Variants in BLMH observed in about 807,000 individuals in gnomAD.
BLMH encodes the protein BLM hydrolase.
A neutral mutation model predicts 61.6 loss-of-function variants in BLMH; 32 were observed. The observed-to-expected ratio is 0.52, with a 90% CI of 0.39 to 0.70. The LOEUF (loss-of-function observed/expected upper bound fraction) is 0.70, where lower values mean the gene tolerates loss of function less well. Among genes scored for constraint, BLMH ranks in the 30% least tolerant of loss-of-function variants. The pLI, the probability that BLMH is intolerant of heterozygous loss-of-function variation, is 0.00. For synonymous variants in BLMH, 183 were observed against 193.8 expected (o/e 0.94, Z 0.46); for missense variants, 460 against 555.5 (o/e 0.83, Z 1.73).
chr17:30,280,234 G>C lies in BLMH; in HGVS notation c.645+5154C>G, dbSNP rs372555949. Among the ~76,000 whole-genome samples the C allele has an allele frequency of 1.2e-4, 18 of 152,156 alleles. No homozygotes were observed. The South Asian group carries it at 2.7e-3, about 23-fold the overall frequency. Reference sequence around the variant, plus strand: ...TGACTTCTCATTGCCTATTGAATTGGGGCAAACTCTCATGCTAGTATTCTA... The same window carrying C: ...TGACTTCTCATTGCCTATTGAATTGCGGCAAACTCTCATGCTAGTATTCTA... On this transcript the variant is annotated intron_variant, in intron 6 of 11. Transcript: ENST00000261714.
At chr17:30,284,749 G>A (rs1013319170) in intron 6 of BLMH, among the ~76,000 whole-genome samples, 41 of 152,116 alleles carry the variant, frequency 2.7e-4, no homozygotes, top group African/African-American at 9.2e-4. Flanking sequence ...TTCTGGCATC[G>A]ATCCAACATC....
At chr17:30,280,773 C>T (rs1300977796) in intron 6 of BLMH, among the ~76,000 whole-genome samples, 1 of 152,154 alleles carries the variant, frequency 6.6e-6, no homozygotes, top group Non-Finnish European at 1.5e-5. Flanking sequence ...CCACCATGCA[C>T]AGCCTACCCC....
chr17:30,255,903 A>AAG (rs923932954), intron 11 of BLMH, among the ~76,000 whole-genome samples: 3 of 152,102 alleles, frequency 2.0e-5, no homozygotes, highest in African/African-American at 7.2e-5. Flanking sequence ...TCTCAAAAAA[A>AAG]AGAGAGAGAG....
At chr17:30,258,549 T>G (rs1869586278) in intron 11 of BLMH, among the ~76,000 whole-genome samples, 1 of 152,122 alleles carries the variant, frequency 6.6e-6, no homozygotes, top group African/African-American at 2.4e-5. Context: ...TTTAAACCAT[T>G]AAACCACCAC....
chr17:30,279,389 TG>T (rs1449666861), intron 6 of BLMH, among the ~76,000 whole-genome samples: 1 of 152,206 alleles, frequency 6.6e-6, no homozygotes, highest in Non-Finnish European at 1.5e-5. Flanking sequence ...ACTTGCCTCT[TG>T]GGGCCATTTG....
rs116860677 is a variant in BLMH, at chr17:30,249,407, G to A, written c.1217-239C>T. On this transcript the variant is annotated intron_variant, in intron 11 of 11. Coordinates refer to ENST00000261714, the MANE Select transcript of BLMH (RefSeq NM_000386.4). Reference sequence around the variant, plus strand: ...CTTGAGTAACTAGGTGATGTGCCCAGGTCACATGGTGAGGTTCAGAGCTGG... The same window carrying A: ...CTTGAGTAACTAGGTGATGTGCCCAAGTCACATGGTGAGGTTCAGAGCTGG... The A allele has an allele frequency of 4.3e-3, 2,012 of 472,010 alleles. 5 individuals are homozygous for A. The highest frequency in any genetic ancestry group is 5.4e-3 in the Non-Finnish European group (1,418 of 261,132). The allele number at this position is 472,010 out of a possible 1,614,324, so 29.2% of individuals were successfully genotyped here.
chr17:30,281,628 TCA>T (rs1383656837), intron 6 of BLMH, among the ~76,000 whole-genome samples: 4 of 152,120 alleles, frequency 2.6e-5, no homozygotes, highest in Non-Finnish European at 4.4e-5. Flanking sequence ...ATCCAATTCA[TCA>T]GCAAGTCCTG....
Position 30,266,931 on chromosome 17 carries a change from T to C in BLMH, c.1170A>G (p.Thr390=). ...CCCATGAATTCTCCACTCTCCATTT[T>C]GTGAAAGCACCATCCTGATCATCCT... ...SEKDDQDGAF[T]KWRVENSWGE... Residue 390 remains threonine (T), a synonymous_variant, in exon 11 of 12, where the codon ACA becomes ACG. Coordinates refer to ENST00000261714, the MANE Select transcript of BLMH (RefSeq NM_000386.4). The C allele has an allele frequency of 1.2e-6, 2 of 1,614,138 alleles. No homozygotes were observed. The highest frequency in any genetic ancestry group is 1.7e-6 in the Non-Finnish European group (2 of 1,179,978).
rs752599913 is a variant in BLMH at position 30,291,275 on chromosome 17, G to A, written c.211+36C>T. 1.9e-6 allele frequency: 3 copies of A among 1,588,632 alleles called. No individual in the cohort carries two copies. The South Asian group carries it at 3.3e-5, about 18-fold the overall frequency. ...CACCAAAATGGGACGCTGTCAGGAA[G>A]GTCAAGGAACGTATGGGAGAAGTGG... On this transcript the variant is annotated intron_variant, in intron 2 of 11. Transcript: ENST00000261714.
At chr17:30,252,480 T>C (rs1340823978) in intron 11 of BLMH, among the ~76,000 whole-genome samples, 1 of 142,196 alleles carries the variant, frequency 7.0e-6, no homozygotes, top group East Asian at 2.0e-4. Flanking sequence ...GTGGATTGCT[T>C]GAGCCCAGTT....
rs978305089 is a variant in BLMH at position 30,287,797 on chromosome 17, A to G, written c.463+9T>C. On this transcript the variant is annotated intron_variant, in intron 4 of 11. Transcript: ENST00000261714. Reference sequence around the variant, plus strand: ...TGAGTTTCAGTTCCATTAAAGAAAGAACTTTTACCAACAATATTAACAAGC... The same window carrying G: ...TGAGTTTCAGTTCCATTAAAGAAAGGACTTTTACCAACAATATTAACAAGC... 6.2e-7 allele frequency: 1 copy of G among 1,613,284 alleles called. No individual in the cohort carries two copies. Among genetic ancestry groups the G allele is most frequent in the Non-Finnish European group, 8.5e-7 (1 of 1,179,686 alleles).
chr17:30,252,255 T>A (rs1184976086), intron 11 of BLMH: 1 of 152,168 alleles, frequency 6.6e-6, no homozygotes, highest in Non-Finnish European at 1.5e-5. Flanking sequence ...AAGTCTAATT[T>A]TGTATGCTAA....
At chr17:30,268,946 A>T (rs1908188468) in intron 10 of BLMH, among the ~76,000 whole-genome samples, 1 of 150,012 alleles carries the variant, frequency 6.7e-6, no homozygotes. Context: ...AGGCTGAGGC[A>T]GGAGAATAGC....
At chr17:30,277,403 G>GT (rs1222423972) in intron 6 of BLMH, among the ~76,000 whole-genome samples, 1 of 152,180 alleles carries the variant, frequency 6.6e-6, no homozygotes, top group African/African-American at 2.4e-5. Context: ...ATTGCCACTG[G>GT]TAACTATGGT....
intron 11 of BLMH, among the ~76,000 whole-genome samples, chr17:30,260,022 T>C (rs903256633): frequency 2.0e-5 from 3 of 152,218 alleles, no homozygotes; most frequent in African/African-American, 4.8e-5. Flanking sequence ...CGTCAGTCTA[T>C]AGATAACATT....
rs34594289 is a variant in BLMH at position 30,252,533 on chromosome 17, C to CAAAA, written c.1217-3369_1217-3366dup. Among the ~76,000 whole-genome samples the CAAAA allele has an allele frequency of 7.0e-3, 467 of 66,372 alleles. 18 individuals are homozygous for CAAAA. Among genetic ancestry groups the CAAAA allele is most frequent in the African/African-American group, 0.022 (437 of 19,652 alleles). The allele number at this position is 66,372 out of a possible 152,430, so 43.5% of individuals were successfully genotyped here. On this transcript the variant is annotated intron_variant, in intron 11 of 11. Coordinates refer to ENST00000261714, the MANE Select transcript of BLMH (RefSeq NM_000386.4). ...GCAACATGGCGAAACCCCATCCTCA[C>CAAAA]AAAAAAAAAAAAAAAAAAAAAAAAA...
intron 11 of BLMH, among the ~76,000 whole-genome samples, chr17:30,262,650 C>A (rs1445661389): frequency 6.6e-6 from 1 of 152,068 alleles, no homozygotes. Context: ...AAAAAATTAG[C>A]CAGGCGTGGT....
chr17:30,286,770 G>T (rs759355123), intron 5 of BLMH, 44 bp downstream of exon 5: 1 of 1,413,516 alleles, frequency 7.1e-7, no homozygotes, highest in Non-Finnish European at 1.0e-6. Context: ...AAGTTTGAAG[G>T]AAAGTACACT....
chr17:30,259,885 T>G (rs3794806), intron 11 of BLMH, among the ~76,000 whole-genome samples: 44,073 of 151,982 alleles, frequency 0.29, 6,803 homozygotes, highest in Admixed American at 0.33. Flanking sequence ...ACTACACTGG[T>G]GATGTAGCAT....
Sources: gnomAD v4.1 joint callset for allele counts (sites outside exome capture counted in the v4.1 genomes callset) on GRCh38, gnomAD v4.1.1 for gene constraint, MANE v1.5 for transcripts, NCBI Gene and HGNC (gene_info 2026-07-23, HGNC 2026-07-21) for gene names.